The following TAFA1 variants were observed in gnomAD, a reference collection of about 807,000 sequenced individuals.
TAFA1 encodes the protein TAFA chemokine like family member 1.
A neutral mutation model predicts 18.5 loss-of-function variants in TAFA1; 4 were observed. That is an observed-to-expected ratio of 0.22 (90% confidence interval 0.11 to 0.49). TAFA1 has a LOEUF of 0.49. Among genes scored for constraint, TAFA1 ranks in the 20% least tolerant of loss-of-function variants. The pLI, the probability that TAFA1 is intolerant of heterozygous loss-of-function variation, is 0.98. For missense variants in TAFA1, 147 were observed against 169.0 expected, an observed-to-expected ratio of 0.87 and a Z score of 0.72; for synonymous variants, 56 against 55.2, an observed-to-expected ratio of 1.01 and a Z score of -0.06.
intron 2 of TAFA1, among the ~76,000 whole-genome samples, chr3:68,123,730 T>C (rs2065428967): frequency 6.6e-6 from 1 of 152,074 alleles, no homozygotes; most frequent in South Asian, 2.1e-4. Context: ...ATCCACGTGA[T>C]TGTTCACCTG....
chr3:68,116,301 A>G (rs971767769), intron 2 of TAFA1, among the ~76,000 whole-genome samples: 5 of 152,184 alleles, frequency 3.3e-5, no homozygotes, highest in Admixed American at 6.5e-5. Context: ...TGTAAATCTG[A>G]GAAATCCTTA....
chr3:68,518,169 A>G (rs377089219), intron 3 of TAFA1, among the ~76,000 whole-genome samples: 2 of 152,300 alleles, frequency 1.3e-5, no homozygotes. Flanking sequence ...CTGCATCTTA[A>G]TAGCTGTGTG....
At chr3:68,460,706 G>T (rs575541990) in intron 3 of TAFA1, among the ~76,000 whole-genome samples, 1 of 152,002 alleles carries the variant, frequency 6.6e-6, no homozygotes, top group East Asian at 1.9e-4. Context: ...GGAGTGGCTC[G>T]TTAACACACA....
chr3:68,471,829 T>C (rs879307549), intron 3 of TAFA1, among the ~76,000 whole-genome samples: 2 of 152,216 alleles, frequency 1.3e-5, no homozygotes, highest in African/African-American at 4.8e-5. Context: ...TCACAGTGTA[T>C]GCAAAGCACT....
intron 2 of TAFA1, among the ~76,000 whole-genome samples, chr3:68,229,873 A>G (rs1046809174): frequency 6.6e-6 from 1 of 152,206 alleles, no homozygotes; most frequent in Non-Finnish European, 1.5e-5. Context: ...TGCCTCAAAC[A>G]GCCGTTTATG....
the TAFA1 span, among the ~76,000 whole-genome samples, chr3:67,994,092 T>C: frequency 6.6e-6 from 1 of 152,220 alleles, no homozygotes; most frequent in South Asian, 2.1e-4. Context: ...AATCAAATTG[T>C]ATCTATAAGT....
chr3:68,355,555 A>G (rs2069344845), intron 2 of TAFA1, among the ~76,000 whole-genome samples: 1 of 151,970 alleles, frequency 6.6e-6, no homozygotes, highest in Non-Finnish European at 1.5e-5. Flanking sequence ...TACTACCACC[A>G]TTATAGCATC....
At chr3:68,361,175 T>C (rs1575804765) in intron 2 of TAFA1, among the ~76,000 whole-genome samples, 1 of 152,018 alleles carries the variant, frequency 6.6e-6, no homozygotes, top group Middle Eastern at 3.4e-3. Flanking sequence ...TAAAAAAGAA[T>C]GAAATTGTGT....
intron 2 of TAFA1, among the ~76,000 whole-genome samples, chr3:68,167,228 T>C (rs978076872): frequency 2.0e-5 from 3 of 152,132 alleles, no homozygotes; most frequent in Non-Finnish European, 4.4e-5. Flanking sequence ...TCCCATACAG[T>C]AATACTCCAG....
chr3:68,409,607 T>A (rs950775043), intron 2 of TAFA1, among the ~76,000 whole-genome samples: 6 of 152,192 alleles, frequency 3.9e-5, no homozygotes, highest in Non-Finnish European at 7.3e-5. Flanking sequence ...CCTCTTTTAT[T>A]TATAAATTAC....
chr3:68,438,502 G>C (rs1575866974), intron 3 of TAFA1, among the ~76,000 whole-genome samples: 1 of 152,108 alleles, frequency 6.6e-6, no homozygotes, highest in East Asian at 1.9e-4. Context: ...GCTCACTTAG[G>C]GTTGCATTGC....
intron 2 of TAFA1, among the ~76,000 whole-genome samples, chr3:68,328,856 A>G (rs1334281105): frequency 1.3e-5 from 2 of 152,174 alleles, no homozygotes; most frequent in Non-Finnish European, 2.9e-5. Context: ...ATGATATGGA[A>G]GCTAAGAAGA....
At chr3:68,218,813 T>TA (rs2066693907) in intron 2 of TAFA1, among the ~76,000 whole-genome samples, 1 of 152,162 alleles carries the variant, frequency 6.6e-6, no homozygotes, top group Admixed American at 6.6e-5. Context: ...TTAAGCTGAA[T>TA]AAATGGCCAC....
chr3:68,288,179 A>G (rs192235733), intron 2 of TAFA1, among the ~76,000 whole-genome samples: 4 of 152,186 alleles, frequency 2.6e-5, no homozygotes, highest in East Asian at 1.9e-4. Flanking sequence ...GAAGTAGAAA[A>G]ATCTGCTCCT....
At chr3:68,420,203 G>A (rs2070927561) in intron 3 of TAFA1, among the ~76,000 whole-genome samples, 1 of 152,146 alleles carries the variant, frequency 6.6e-6, no homozygotes, top group Non-Finnish European at 1.5e-5. Flanking sequence ...ACAGCCAGAG[G>A]AGCAAGCTTA....
intron 2 of TAFA1, among the ~76,000 whole-genome samples, chr3:68,259,237 G>A (rs1018406202): frequency 6.6e-6 from 1 of 152,164 alleles, no homozygotes; most frequent in Non-Finnish European, 1.5e-5. Context: ...GTATTCCACA[G>A]CTTTACTTTC....
At chr3:68,522,729 A>G (rs1419004488) in intron 3 of TAFA1, among the ~76,000 whole-genome samples, 1 of 152,042 alleles carries the variant, frequency 6.6e-6, no homozygotes, top group Non-Finnish European at 1.5e-5. Context: ...AGTGCCTGTA[A>G]TCCCAGTTAC....
At chr3:68,534,681 G>GTGGA (rs944136115) in intron 3 of TAFA1, among the ~76,000 whole-genome samples, 1 of 152,084 alleles carries the variant, frequency 6.6e-6, no homozygotes, top group African/African-American at 2.4e-5. Context: ...CTATGAACCA[G>GTGGA]TGGATCTTTA....
At chr3:68,295,333 T>A (rs2068187834) in intron 2 of TAFA1, among the ~76,000 whole-genome samples, 1 of 152,188 alleles carries the variant, frequency 6.6e-6, no homozygotes, top group Non-Finnish European at 1.5e-5. Flanking sequence ...GTTGGTAGCT[T>A]TTTAAAGCAA....
Sources: gnomAD v4.1 joint callset for allele counts (sites outside exome capture counted in the v4.1 genomes callset) on GRCh38, gnomAD v4.1.1 for gene constraint, MANE v1.5 for transcripts, NCBI Gene and HGNC (gene_info 2026-07-23, HGNC 2026-07-21) for gene names.